Variants in ACSS3 observed in about 807,000 individuals in gnomAD.
The protein encoded by ACSS3 is acyl-CoA synthetase short chain family member 3.
Under a neutral mutation model 84.2 loss-of-function variants are expected in ACSS3, and 64 were observed. The ratio of observed to expected loss-of-function variants is 0.76; its 90% CI spans 0.62 to 0.94. The LOEUF is 0.94. Ranked by LOEUF, ACSS3 falls within the 40% of genes least tolerant of loss-of-function variation. The probability of loss-of-function intolerance (pLI) is 0.00; values close to 1 mark genes in which losing one functional copy is unlikely to be tolerated. For missense variants in ACSS3, 815 were observed against 867.6 expected, an observed-to-expected ratio of 0.94 and a Z score of 0.76; for synonymous variants, 317 against 310.1, an observed-to-expected ratio of 1.02 and a Z score of -0.23.
At chr12:81,079,200 A>C (rs1188615094) in intron 1 of ACSS3, among the ~76,000 whole-genome samples, 2 of 152,218 alleles carry the variant, frequency 1.3e-5, no homozygotes, top group Admixed American at 6.5e-5. Flanking sequence ...TGGAATTATA[A>C]GAAGTTATAA....
rs112977510 is a variant in ACSS3 at position 81,120,257 on chromosome 12, A to G, written c.456+10553A>G. Among the ~76,000 whole-genome samples the G allele has an allele frequency of 5.1e-3, 778 of 152,338 alleles. 5 individuals are homozygous for G. Among genetic ancestry groups the G allele is most frequent in the African/African-American group, 0.014 (566 of 41,578 alleles). On this transcript the variant is annotated intron_variant, in intron 2 of 15. Coordinates refer to ENST00000548058, the MANE Select transcript of ACSS3 (RefSeq NM_024560.4). ...AGACAAATTAAGTAGGAAACAATAT[A>G]GAAAGATTGTTGGAGAATAAAAGAA...
In ACSS3 at chr12:81,139,635, A is replaced by T. The variant is rs191551367; in HGVS notation, c.780+370A>T. Among the ~76,000 whole-genome samples, 1,017 of 145,850 alleles carry T rather than the reference A, an allele frequency of 7.0e-3. 10 individuals are homozygous for T. The highest frequency in any genetic ancestry group is 0.032 in the Middle Eastern group (9 of 278). On this transcript the variant is annotated intron_variant, in intron 4 of 15. Transcript: ENST00000548058. The stretch of plus-strand genomic sequence containing the variant: ...ATATATATAAAATAATAATAATAAT[A>T]ATTATTGTTATTTTTTTTTGAGACA...
chr12:81,134,955 T>C lies in ACSS3; in HGVS notation c.596T>C (p.Phe199Ser). The stretch of plus-strand genomic sequence containing the variant: ...ATAGGTGCCATCCACAGTCTCATAT[T>C]TGGAGGATTTGCTTCCAAAGAACTA... ...ARIGAIHSLI[F>S]GGFASKELSS... The change falls in exon 3 of 16, where the codon TTT (phenylalanine) becomes TCT (serine). Residue 199 changes from phenylalanine (F) to serine (S), a missense_variant. Transcript: ENST00000548058. 1 of 1,607,092 alleles carries C rather than the reference T, an allele frequency of 6.2e-7. No individual in the cohort carries two copies. Among genetic ancestry groups the C allele is most frequent in the Non-Finnish European group, 8.5e-7 (1 of 1,176,178 alleles).
chr12:81,187,330 C>A (rs1352293925), intron 8 of ACSS3, among the ~76,000 whole-genome samples: 2 of 151,550 alleles, frequency 1.3e-5, no homozygotes, highest in Admixed American at 6.6e-5. Flanking sequence ...CTTTAGCAAC[C>A]ACCATTATTA....
At chr12:81,157,572 G>A (rs971944811) in intron 7 of ACSS3, among the ~76,000 whole-genome samples, 2 of 152,306 alleles carry the variant, frequency 1.3e-5, no homozygotes, top group East Asian at 1.9e-4. Flanking sequence ...ACTTTGGGAG[G>A]TCAAGGCGGG....
At chr12:81,190,899 A>AT (rs2031536592) in intron 8 of ACSS3, among the ~76,000 whole-genome samples, 1 of 151,962 alleles carries the variant, frequency 6.6e-6, no homozygotes, top group East Asian at 1.9e-4. Context: ...ATAGTGACTG[A>AT]TTTTTTTAAG....
intron 7 of ACSS3, among the ~76,000 whole-genome samples, chr12:81,154,428 G>C (rs1241874319): frequency 6.6e-6 from 1 of 151,610 alleles, no homozygotes. Context: ...AATATTTGTT[G>C]TGTGAATAAT....
intron 8 of ACSS3, among the ~76,000 whole-genome samples, chr12:81,193,276 T>A (rs1421117059): frequency 6.6e-6 from 1 of 152,172 alleles, no homozygotes; most frequent in Non-Finnish European, 1.5e-5. Context: ...TTGGCACAAG[T>A]GAAGAGTAAT....
intron 7 of ACSS3, among the ~76,000 whole-genome samples, chr12:81,173,206 A>G (rs1413530829): frequency 6.6e-6 from 1 of 152,214 alleles, no homozygotes; most frequent in Non-Finnish European, 1.5e-5. Flanking sequence ...CTCATTTCAG[A>G]CTGATGTACT....
chr12:81,161,639 C>T (rs1456752548), intron 7 of ACSS3, among the ~76,000 whole-genome samples: 2 of 152,162 alleles, frequency 1.3e-5, no homozygotes, highest in Non-Finnish European at 2.9e-5. Context: ...TGTTGCTTTT[C>T]CAGCCAGAAG....
chr12:81,107,511 C>CATACATAT (rs1883138364), intron 1 of ACSS3, among the ~76,000 whole-genome samples: 1 of 38,828 alleles, frequency 2.6e-5, no homozygotes, highest in Non-Finnish European at 4.9e-5. Context: ...CAAATATATA[C>CATACATAT]ATATATATAT....
At chr12:81,192,835 T>A (rs986439121) in intron 8 of ACSS3, among the ~76,000 whole-genome samples, 1 of 152,230 alleles carries the variant, frequency 6.6e-6, no homozygotes, top group African/African-American at 2.4e-5. Context: ...ATCAGTCTTA[T>A]GTCTCTCTAC....
chr12:81,169,176 T>C (rs1593153819), intron 7 of ACSS3, among the ~76,000 whole-genome samples: 1 of 152,288 alleles, frequency 6.6e-6, no homozygotes, highest in Non-Finnish European at 1.5e-5. Context: ...AAAGGCAAGA[T>C]GGCAGCCTAT....
At chr12:81,083,400 C>T (rs1881114752) in intron 1 of ACSS3, among the ~76,000 whole-genome samples, 2 of 146,240 alleles carry the variant, frequency 1.4e-5, no homozygotes, top group Admixed American at 7.0e-5. Context: ...CTCTGTCACC[C>T]AGCCTGGAGT....
chr12:81,133,409 AC>A (rs1238498813), intron 2 of ACSS3, among the ~76,000 whole-genome samples: 3 of 152,064 alleles, frequency 2.0e-5, no homozygotes, highest in African/African-American at 7.2e-5. Flanking sequence ...TGGCTCCCTG[AC>A]CTGATCGACA....
At chr12:81,080,599 C>T (rs1023127569) in intron 1 of ACSS3, among the ~76,000 whole-genome samples, 2 of 151,958 alleles carry the variant, frequency 1.3e-5, no homozygotes, top group Admixed American at 6.6e-5. Flanking sequence ...GGGAAGTAGA[C>T]GTAGGAGACC....
intron 5 of ACSS3, among the ~76,000 whole-genome samples, chr12:81,148,724 A>G (rs1886461296): frequency 1.3e-5 from 2 of 151,912 alleles, no homozygotes; most frequent in South Asian, 4.1e-4. Flanking sequence ...ATGAGAATAT[A>G]TGAGATCATC....
At chr12:81,148,600 G>A (rs1229366145) in intron 5 of ACSS3, among the ~76,000 whole-genome samples, 1 of 152,038 alleles carries the variant, frequency 6.6e-6, no homozygotes, top group Non-Finnish European at 1.5e-5. Flanking sequence ...TTTATTCAGG[G>A]CACAGAGTGC....
At position 81,094,178 on chromosome 12, in the gene ACSS3, C is replaced by CTG. The variant is rs1565971754; in HGVS notation, c.312-15381_312-15380insGT. Among the ~76,000 whole-genome samples the CTG allele has an allele frequency of 2.9e-4, 31 of 106,358 alleles. 1 individual carries two copies. Among genetic ancestry groups the CTG allele is most frequent in the East Asian group, 2.7e-3 (12 of 4,514 alleles). The allele number at this position is 106,358 out of a possible 152,430, so 69.8% of individuals were successfully genotyped here. ...TTTTCCTCTCTCTCTCTCTCTGTCT[C>CTG]TCTCTCTGTGTGTGTGTGTGTGTGT... On this transcript the variant is annotated intron_variant, in intron 1 of 15. Transcript: ENST00000548058.
Sources: gnomAD v4.1 joint callset for allele counts (sites outside exome capture counted in the v4.1 genomes callset) on GRCh38, gnomAD v4.1.1 for gene constraint, MANE v1.5 for transcripts, NCBI Gene and HGNC (gene_info 2026-07-23, HGNC 2026-07-21) for gene names.